The following ITGB6 variants were observed in gnomAD, a reference collection of about 807,000 sequenced individuals.
ITGB6 encodes integrin subunit beta 6, also known as integrin beta-6.
ITGB6 carries 80 observed loss-of-function variants against 84.5 expected under a neutral mutation model. The ratio of observed to expected loss-of-function variants is 0.95; its 90% CI spans 0.79 to 1.14. The LOEUF (loss-of-function observed/expected upper bound fraction) is 1.14. Ranked by LOEUF, ITGB6 falls within the 50% of genes most tolerant of loss-of-function variation. ITGB6 has a pLI of 0.00. For synonymous variants in ITGB6, 383 were observed against 354.9 expected (o/e 1.08, Z -0.89); for missense variants, 1,006 against 968.0 (o/e 1.04, Z -0.52).
At chr2:160,146,148 T>A in intron 7 of ITGB6, among the ~76,000 whole-genome samples, 1 of 152,128 alleles carries the variant, frequency 6.6e-6, no homozygotes, top group East Asian at 1.9e-4. Context: ...GGGTGAGAAG[T>A]CACAAGTCGA....
rs563744499 is a variant in ITGB6, at chr2:160,132,031, A to G, written c.1660+5403T>C. Among the ~76,000 whole-genome samples the G allele has an allele frequency of 1.5e-4, 23 of 152,272 alleles. 2 individuals carry two copies. In the South Asian group the frequency reaches 4.8e-3, roughly 32 times the overall value. ...GTTAGTATCTCTATTATATTTTGTT[A>G]GATTACACTTAGGGCTTTTTGAAAG... On this transcript the variant is annotated intron_variant, in intron 10 of 14. Transcript: ENST00000283249.
intron 2 of ITGB6, among the ~76,000 whole-genome samples, chr2:160,198,928 T>C (rs1686445611): frequency 6.6e-6 from 1 of 152,182 alleles, no homozygotes; most frequent in African/African-American, 2.4e-5. Context: ...AGGAACCAGG[T>C]AAAATAAAAA....
intron 7 of ITGB6, among the ~76,000 whole-genome samples, chr2:160,161,808 T>C (rs1178781819): frequency 6.6e-6 from 1 of 152,200 alleles, no homozygotes. Context: ...GAGTAACTGA[T>C]ACAACTACTT....
Position 160,137,469 on chromosome 2 carries a change from A to G in ITGB6, c.1625T>C (p.Phe542Ser), listed in dbSNP as rs1459564158. 2 of 1,613,230 alleles carry G rather than the reference A, an allele frequency of 1.2e-6. No homozygotes were observed. Among genetic ancestry groups the G allele is most frequent in the African/African-American group, 2.7e-5 (2 of 75,036 alleles). ...CAGCCCTTTGTGTCTCACGCAGGAG[A>G]AATTGTCACACTGGCAATAAGGCCC... is the stretch of plus-strand genomic sequence containing the variant. ...IYGPYCQCDN[F>S]SCVRHKGLLC... Residue 542 changes from phenylalanine to serine, a missense_variant, in exon 10 of 15, where the codon TTC (phenylalanine) becomes TCC (serine). Phe to Ser is a radical substitution (Grantham distance 155). Transcript: ENST00000283249.
At position 160,199,261 on chromosome 2, in the gene ITGB6, AG is replaced by A. The variant is rs760209639; in HGVS notation, c.62-4del. ...TGCACCTCCCAGGGCACAGCCACCT[AG>A]GTTTAGACCCAGCAAGATGCAGGGA... is the stretch of plus-strand genomic sequence containing the variant. On this transcript the variant is annotated splice_polypyrimidine_tract_variant and splice_region_variant and intron_variant, in intron 1 of 14. Transcript: ENST00000283249. 2 of 1,613,042 alleles carry A rather than the reference AG, an allele frequency of 1.2e-6. No individual in the cohort carries two copies. The highest frequency in any genetic ancestry group is 2.2e-5 in the South Asian group (2 of 91,048).
chr2:160,146,807 A>G (rs578109783), intron 7 of ITGB6, among the ~76,000 whole-genome samples: 1 of 152,182 alleles, frequency 6.6e-6, no homozygotes, highest in Non-Finnish European at 1.5e-5. Flanking sequence ...AAAAATCAAG[A>G]AATAGAATAT....
chr2:160,147,734 T>C (rs779577718), intron 7 of ITGB6, among the ~76,000 whole-genome samples: 1 of 152,134 alleles, frequency 6.6e-6, no homozygotes, highest in Non-Finnish European at 1.5e-5. Context: ...GCAAGGGTAG[T>C]CTTTTCAACA....
chr2:160,186,932 G>A (rs540528712), intron 4 of ITGB6, among the ~76,000 whole-genome samples: 50 of 151,782 alleles, frequency 3.3e-4, no homozygotes, highest in African/African-American at 1.2e-3. Context: ...CATGGACACA[G>A]GGAGGGGAAC....
intron 4 of ITGB6, among the ~76,000 whole-genome samples, chr2:160,181,116 G>A (rs755375053): frequency 1.3e-5 from 2 of 152,030 alleles, no homozygotes; most frequent in East Asian, 1.9e-4. Flanking sequence ...CCCCAGTGGC[G>A]CTTGGAATTC....
At chr2:160,124,451 G>A (rs563858815) in intron 11 of ITGB6, among the ~76,000 whole-genome samples, 2 of 152,240 alleles carry the variant, frequency 1.3e-5, no homozygotes, top group African/African-American at 4.8e-5. Flanking sequence ...ATTAGAGCAT[G>A]GATCCTCATT....
At chr2:160,166,890 A>G (rs1220235103) in intron 7 of ITGB6, among the ~76,000 whole-genome samples, 1 of 152,192 alleles carries the variant, frequency 6.6e-6, no homozygotes, top group East Asian at 1.9e-4. Context: ...GGGCGGTCCA[A>G]AGCATTCTAC....
intron 12 of ITGB6, among the ~76,000 whole-genome samples, chr2:160,117,106 G>A (rs1263841289): frequency 9.2e-5 from 14 of 151,450 alleles, no homozygotes; most frequent in Admixed American, 5.9e-4. Context: ...ACAGATCAAC[G>A]AGACAGAAAG....
intron 12 of ITGB6, among the ~76,000 whole-genome samples, chr2:160,119,724 C>T (rs1243200379): frequency 1.3e-5 from 2 of 152,078 alleles, no homozygotes; most frequent in Non-Finnish European, 2.9e-5. Context: ...TCAGAATGAA[C>T]AGGCAACCTA....
chr2:160,195,293 G>C lies in ITGB6; in HGVS notation c.593+76C>G. On this transcript the variant is annotated intron_variant, in intron 4 of 14. Coordinates refer to ENST00000283249, the MANE Select transcript of ITGB6 (RefSeq NM_000888.5). ...AATGCCAGGGAGTTAGCAAGCTCCT[G>C]GCAAGTGCAGCTCAGAGCGGGAGTA... The C allele has an allele frequency of 5.7e-6, 9 of 1,570,992 alleles. No homozygotes were observed. In the South Asian group the frequency reaches 1.0e-4, roughly 18 times the overall value.
chr2:160,171,206 C>A (rs1685185638), intron 6 of ITGB6, among the ~76,000 whole-genome samples: 1 of 152,124 alleles, frequency 6.6e-6, no homozygotes, highest in Non-Finnish European at 1.5e-5. Flanking sequence ...TCCCCCTGCA[C>A]CCCCACCTAC....
Position 160,134,407 on chromosome 2 carries a change from T to C in ITGB6, c.1660+3027A>G, listed in dbSNP as rs564810318. Among the ~76,000 whole-genome samples, 998 of 152,298 alleles carry C rather than the reference T, an allele frequency of 6.6e-3. 13 individuals are homozygous for C. The highest frequency in any genetic ancestry group is 0.024 in the Middle Eastern group (7 of 294). On this transcript the variant is annotated intron_variant, in intron 10 of 14. Transcript: ENST00000283249. ...ATAACAGGCTCTGAAATTGAGGCAA[T>C]AATTAATAGCTTACCAACCAAAAAC... is the stretch of plus-strand genomic sequence containing the variant.
intron 4 of ITGB6, among the ~76,000 whole-genome samples, chr2:160,184,368 A>G (rs1402897492): frequency 6.6e-6 from 1 of 152,240 alleles, no homozygotes; most frequent in African/African-American, 2.4e-5. Context: ...CAAATAAACT[A>G]GAAAATCTAG....
chr2:160,183,133 C>G (rs1685752981), intron 4 of ITGB6, among the ~76,000 whole-genome samples: 1 of 152,152 alleles, frequency 6.6e-6, no homozygotes. Context: ...ATCAGATTCA[C>G]ACATAACAAT....
intron 4 of ITGB6, among the ~76,000 whole-genome samples, chr2:160,186,140 G>T (rs552975325): frequency 6.6e-6 from 1 of 152,112 alleles, no homozygotes; most frequent in East Asian, 1.9e-4. Context: ...TTAAACTAAA[G>T]AGCTTCTGCA....
Sources: allele counts gnomAD v4.1 joint callset (sites outside exome capture counted in the v4.1 genomes callset), GRCh38; gene constraint gnomAD v4.1.1; transcripts MANE v1.5; gene names NCBI Gene and HGNC (gene_info 2026-07-23, HGNC 2026-07-21).